Variants in TTC8 observed in about 807,000 individuals in gnomAD.
TTC8 encodes tetratricopeptide repeat domain 8, also known as tetratricopeptide repeat protein 8.
TTC8 carries 47 observed loss-of-function variants against 72.5 expected under a neutral mutation model. The observed-to-expected ratio is 0.65, with a 90% CI of 0.51 to 0.83. The LOEUF (loss-of-function observed/expected upper bound fraction) is 0.83. Ranked by LOEUF, TTC8 falls within the 40% of genes least tolerant of loss-of-function variation. TTC8 has a pLI of 0.00. For synonymous variants in TTC8, 199 were observed against 221.4 expected (o/e 0.90, Z 0.90); for missense variants, 611 against 623.2 (o/e 0.98, Z 0.21).
chr14:88,879,536 A>G (rs1394067346), downstream of TTC8: 1 of 152,024 alleles, frequency 6.6e-6, no homozygotes, highest in Non-Finnish European at 1.5e-5. Flanking sequence ...GCCAGTCCCC[A>G]TAGTGATAAC....
chr14:88,872,522 A>G (rs1229454480), intron 13 of TTC8, 70 bp downstream of exon 13: 6 of 1,597,356 alleles, frequency 3.8e-6, no homozygotes, highest in Non-Finnish European at 2.6e-6. Flanking sequence ...GTGTGGTAGC[A>G]TTACAGCGTA....
intron 14 of TTC8, 121 bp downstream of exon 14, chr14:88,875,230 A>G: frequency 1.2e-6 from 1 of 831,344 alleles, no homozygotes; most frequent in Non-Finnish European, 1.9e-6. Flanking sequence ...GACTTTTTAA[A>G]ACTCTTAATT....
At chr14:88,856,721 T>G (rs1457087212) in intron 8 of TTC8, among the ~76,000 whole-genome samples, 3 of 152,244 alleles carry the variant, frequency 2.0e-5, no homozygotes, top group Non-Finnish European at 4.4e-5. Context: ...ATTACCCAAG[T>G]GCTAATTATT....
chr14:88,854,911 C>T (rs2094849346), intron 8 of TTC8, among the ~76,000 whole-genome samples: 1 of 152,080 alleles, frequency 6.6e-6, no homozygotes, highest in Non-Finnish European at 1.5e-5. Flanking sequence ...GGTCTTGAAC[C>T]CCTGGACTCA....
chr14:88,833,746 C>A (rs1566832131), intron 2 of TTC8, 24 bp downstream of exon 2: 2 of 1,610,636 alleles, frequency 1.2e-6, no homozygotes, highest in South Asian at 2.2e-5. Context: ...TAGCTGCAAC[C>A]TTTAGTTTAG....
intron 1 of TTC8, 120 bp downstream of exon 1, chr14:88,824,941 G>A: frequency 1.1e-6 from 1 of 910,370 alleles, no homozygotes. Flanking sequence ...TGACCGTTCG[G>A]CCCTCGGAGG....
At chr14:88,858,575 A>G (rs2094868025) in intron 9 of TTC8, among the ~76,000 whole-genome samples, 1 of 151,852 alleles carries the variant, frequency 6.6e-6, no homozygotes, top group South Asian at 2.1e-4. Context: ...TATCTTCTAT[A>G]TGTGATATAT....
At chr14:88,838,616 C>T (rs1296635001) in intron 2 of TTC8, among the ~76,000 whole-genome samples, 1 of 152,008 alleles carries the variant, frequency 6.6e-6, no homozygotes, top group Non-Finnish European at 1.5e-5. Context: ...TTTTCTGCCT[C>T]TATTCTGTAG....
intron 1 of TTC8, among the ~76,000 whole-genome samples, chr14:88,826,183 T>G (rs574452546): frequency 6.6e-6 from 1 of 151,674 alleles, no homozygotes; most frequent in South Asian, 2.1e-4. Flanking sequence ...AGAGACGGGA[T>G]TTCACCGTGT....
chr14:88,841,177 G>C lies in TTC8; in HGVS notation c.470G>C (p.Arg157Thr), dbSNP rs754686957. 3.7e-6 allele frequency: 6 copies of C among 1,614,062 alleles called. No homozygotes were observed. Among genetic ancestry groups the C allele is most frequent in the Non-Finnish European group, 5.1e-6 (6 of 1,180,002 alleles). ...CGCCCTATCACCAGCTCCTCCGGAAGATTTGTCAGGCTGGGAACGGTAAAT... is the reference window on the plus strand; with the variant it reads ...CGCCCTATCACCAGCTCCTCCGGAACATTTGTCAGGCTGGGAACGGTAAAT... ...TARPITSSSGRFVRLGTASML... is the reference protein window; with the variant it reads ...TARPITSSSGTFVRLGTASML... The change falls in exon 5 of 15, where the codon AGA (arginine) becomes ACA (threonine). Residue 157 changes from arginine to threonine, a missense_variant. Physicochemically the swap from Arg to Thr is moderately conservative, Grantham distance 71 (BLOSUM62 -1). Transcript: ENST00000380656.
chr14:88,841,027 A>G lies in TTC8; in HGVS notation c.330-10A>G. The G allele has an allele frequency of 6.2e-7, 1 of 1,614,048 alleles. No homozygotes were observed. The highest frequency in any genetic ancestry group is 8.5e-7 in the Non-Finnish European group (1 of 1,179,980). On this transcript the variant is annotated splice_polypyrimidine_tract_variant and intron_variant, in intron 4 of 14. Transcript: ENST00000380656. Reference sequence around the variant, plus strand: ...CTTCTTTGTATTATAACAATTTATAATCTTCACAGGCCAATCACACAAGCT... The same window carrying G: ...CTTCTTTGTATTATAACAATTTATAGTCTTCACAGGCCAATCACACAAGCT...
At chr14:88,874,222 T>C (rs1033688962) in intron 13 of TTC8, among the ~76,000 whole-genome samples, 1 of 152,232 alleles carries the variant, frequency 6.6e-6, no homozygotes, top group African/African-American at 2.4e-5. Flanking sequence ...TTAAAAATTA[T>C]ATCTTTCATT....
downstream of TTC8, chr14:88,880,592 G>T (rs1008699962): frequency 6.6e-6 from 1 of 151,386 alleles, no homozygotes; most frequent in African/African-American, 2.4e-5. Flanking sequence ...GAAGAATTTT[G>T]TTTTCTTTTT....
Position 88,841,158 on chromosome 14 carries a change from A to G in TTC8, c.451A>G (p.Ile151Val). 1 of 1,614,084 alleles carries G rather than the reference A, an allele frequency of 6.2e-7. No individual in the cohort carries two copies. Among genetic ancestry groups the G allele is most frequent in the Non-Finnish European group, 8.5e-7 (1 of 1,180,008 alleles). ...TPRTAYTARP[I>V]TSSSGRFVRL... is the part of the protein sequence containing the mutation. ...CAGAACCGCCTACACAGCCCGCCCT[A>G]TCACCAGCTCCTCCGGAAGATTTGT... Residue 151 changes from isoleucine (I) to valine (V), a missense_variant, in exon 5 of 15, where the codon ATC (isoleucine) becomes GTC (valine). By Grantham distance (29) the Ile-to-Val change is conservative. Transcript: ENST00000380656.
At chr14:88,824,417 T>G (rs1160863494), upstream of TTC8, among the ~76,000 whole-genome samples, 2 of 152,176 alleles carry the variant, frequency 1.3e-5, no homozygotes, top group Non-Finnish European at 2.9e-5. Context: ...CAGGGGCAGG[T>G]GTCTAACTCA....
chr14:88,857,600 C>T (rs2094862868), intron 9 of TTC8, among the ~76,000 whole-genome samples: 1 of 152,156 alleles, frequency 6.6e-6, no homozygotes, highest in Admixed American at 6.6e-5. Context: ...CTTTGTATCC[C>T]ACTTGGGCAG....
intron 1 of TTC8, among the ~76,000 whole-genome samples, chr14:88,827,794 A>C (rs1300970823): frequency 6.6e-6 from 1 of 152,148 alleles, no homozygotes; most frequent in Non-Finnish European, 1.5e-5. Flanking sequence ...TTTATGTTAG[A>C]GTGTTGATGC....
At chr14:88,832,411 A>G (rs2094730128) in intron 1 of TTC8, among the ~76,000 whole-genome samples, 1 of 151,780 alleles carries the variant, frequency 6.6e-6, no homozygotes, top group Non-Finnish European at 1.5e-5. Context: ...TTTCTATAAT[A>G]TATTGGATTT....
intron 1 of TTC8, among the ~76,000 whole-genome samples, chr14:88,826,551 A>G (rs2094701784): frequency 6.6e-6 from 1 of 151,768 alleles, no homozygotes; most frequent in Non-Finnish European, 1.5e-5. Context: ...AAAAATAGAA[A>G]AAATTAGCCG....
Sources: gnomAD v4.1 joint callset for allele counts (sites outside exome capture counted in the v4.1 genomes callset) on GRCh38, gnomAD v4.1.1 for gene constraint, MANE v1.5 for transcripts, NCBI Gene and HGNC (gene_info 2026-07-23, HGNC 2026-07-21) for gene names.